Variants in CFTR observed in about 807,000 individuals in gnomAD.
The protein encoded by CFTR is CF transmembrane conductance regulator.
CFTR carries 181 observed loss-of-function variants against 171.6 expected under a neutral mutation model. That is an observed-to-expected ratio of 1.05 (90% CI 0.93 to 1.19). The LOEUF (loss-of-function observed/expected upper bound fraction) is 1.19. Ranked by LOEUF, CFTR falls within the 50% of genes most tolerant of loss-of-function variation. The pLI is 0.00. For synonymous variants in CFTR, 583 were observed against 608.0 expected (o/e 0.96, Z 0.60); for missense variants, 1,968 against 1,734.7 (o/e 1.13, Z -2.39).
At chr7:117,500,864 C>T (rs1015009758) in intron 1 of CFTR, among the ~76,000 whole-genome samples, 22 of 152,144 alleles carry the variant, frequency 1.4e-4, no homozygotes, top group African/African-American at 4.3e-4. Context: ...TAGGCTATGG[C>T]ATTCTTGCTA....
At chr7:117,524,536 T>G (rs1230672925) in intron 3 of CFTR, among the ~76,000 whole-genome samples, 1 of 152,228 alleles carries the variant, frequency 6.6e-6, no homozygotes, top group East Asian at 1.9e-4. Flanking sequence ...AAGCATACTA[T>G]GAGCAATTAT....
chr7:117,610,717 G>T, intron 19 of CFTR, 48 bp downstream of exon 19: 1 of 1,597,256 alleles, frequency 6.3e-7, no homozygotes, highest in Non-Finnish European at 8.6e-7. Flanking sequence ...AGCTATAAGA[G>T]CTATTTGAGA....
At chr7:117,599,965 A>C (rs1020593295) in intron 15 of CFTR, among the ~76,000 whole-genome samples, 1 of 152,102 alleles carries the variant, frequency 6.6e-6, no homozygotes, top group African/African-American at 2.4e-5. Flanking sequence ...ACCTAAAGAA[A>C]GGTTAAGATA....
chr7:117,588,469 T>C (rs975874963), intron 12 of CFTR, among the ~76,000 whole-genome samples: 1 of 152,106 alleles, frequency 6.6e-6, no homozygotes, highest in Non-Finnish European at 1.5e-5. Flanking sequence ...GTTTAAACAA[T>C]TATTGGTGAC....
intron 8 of CFTR, among the ~76,000 whole-genome samples, 182 bp from the exon 9 acceptor site, chr7:117,541,834 A>C (rs960578937): frequency 6.6e-6 from 1 of 152,178 alleles, no homozygotes; most frequent in Non-Finnish European, 1.5e-5. Context: ...AATATGATGA[A>C]TCCTAGTGCT....
chr7:117,486,609 G>A (rs980441033), intron 1 of CFTR, among the ~76,000 whole-genome samples: 2 of 151,880 alleles, frequency 1.3e-5, no homozygotes, highest in Admixed American at 1.3e-4. Context: ...AAGTAAGCAT[G>A]GCACCTTCAA....
intron 2 of CFTR, among the ~76,000 whole-genome samples, chr7:117,508,234 GA>G (rs1798454983): frequency 1.3e-5 from 2 of 152,300 alleles, no homozygotes; most frequent in South Asian, 4.1e-4. Context: ...TGAAAATTAA[GA>G]TGATAATATT....
chr7:117,546,331 C>T (rs1362570770), intron 9 of CFTR, among the ~76,000 whole-genome samples: 1 of 151,988 alleles, frequency 6.6e-6, no homozygotes, highest in African/African-American at 2.4e-5. Flanking sequence ...GACAGGGTCT[C>T]ACTACGTTGC....
At chr7:117,610,408 G>A (rs1792363572) in intron 18 of CFTR, 111 bp from the exon 19 acceptor site, 1 of 884,250 alleles carries the variant, frequency 1.1e-6, no homozygotes, top group Non-Finnish European at 1.8e-6. Flanking sequence ...AAAAAAGTTT[G>A]AGGTGTTTAA....
chr7:117,587,731 G>A lies in CFTR; in HGVS notation c.1585-8G>A, dbSNP rs193922503. On this transcript the variant is annotated splice_polypyrimidine_tract_variant and splice_region_variant and intron_variant, in intron 11 of 26. Coordinates refer to ENST00000003084, the MANE Select transcript of CFTR (RefSeq NM_000492.4). ...AGTGACTCTCTAATTTTCTATTTTT[G>A]GTAATAGGACATCTCCAAGTTTGCA... 4 of 1,553,448 alleles carry A rather than the reference G, an allele frequency of 2.6e-6. No individual in the cohort carries two copies. The highest frequency in any genetic ancestry group is 3.6e-6 in the Non-Finnish European group (4 of 1,125,008).
intron 1 of CFTR, among the ~76,000 whole-genome samples, chr7:117,495,564 A>C (rs1017041904): frequency 6.6e-6 from 1 of 152,168 alleles, no homozygotes; most frequent in Non-Finnish European, 1.5e-5. Flanking sequence ...ATCTGAAGTC[A>C]TAAATTCATA....
intron 9 of CFTR, among the ~76,000 whole-genome samples, chr7:117,548,333 GGTGTGTGT>G (rs3034794): frequency 1.2e-4 from 17 of 144,078 alleles, no homozygotes; most frequent in South Asian, 4.5e-4. Flanking sequence ...AGGAGAAGAG[GGTGTGTGT>G]GTGTGTGTGT....
Position 117,522,345 on chromosome 7 carries a change from T to C in CFTR, c.274-8554T>C, listed in dbSNP as rs572132442. ...CTGGAGGGGACATCACAATTAGCTTTCTCCACCTCTTAGTTTATCAGTGAG... is the reference window on the plus strand; with the variant it reads ...CTGGAGGGGACATCACAATTAGCTTCCTCCACCTCTTAGTTTATCAGTGAG... On this transcript the variant is annotated intron_variant, in intron 3 of 26. Transcript: ENST00000003084. 2.0e-4 allele frequency among the ~76,000 whole-genome samples: 31 copies of C among 152,190 alleles called. 1 individual carries two copies. Among genetic ancestry groups the C allele is most frequent in the Non-Finnish European group, 3.2e-4 (22 of 68,030 alleles).
chr7:117,543,985 C>T (rs146318138), intron 9 of CFTR, among the ~76,000 whole-genome samples: 1 of 152,318 alleles, frequency 6.6e-6, no homozygotes, highest in East Asian at 1.9e-4. Flanking sequence ...TCTTTCTCAG[C>T]TTGGAATTTC....
Position 117,592,040 on chromosome 7 carries a change from T to A in CFTR, c.1873T>A (p.Tyr625Asn), listed in dbSNP as rs760390633. 2 of 1,604,886 alleles carry A rather than the reference T, an allele frequency of 1.2e-6. No homozygotes were observed. The highest frequency in any genetic ancestry group is 1.7e-6 in the Non-Finnish European group (2 of 1,176,622). The change falls in exon 14 of 27, where the codon TAT becomes AAT. Residue 625 changes from tyrosine (Y) to asparagine (N), a missense_variant. Coordinates refer to ENST00000003084, the MANE Select transcript of CFTR (RefSeq NM_000492.4). ...ATTAATTTTGCATGAAGGTAGCAGCTATTTTTATGGGACATTTTCAGAACT... is the reference window on the plus strand; with the variant it reads ...ATTAATTTTGCATGAAGGTAGCAGCAATTTTTATGGGACATTTTCAGAACT... ...KILILHEGSSYFYGTFSELQN... is the reference protein window; with the variant it reads ...KILILHEGSSNFYGTFSELQN...
At chr7:117,501,776 C>CAAAAAAAAAAAAAAAAA (rs796991857) in intron 1 of CFTR, among the ~76,000 whole-genome samples, 3 of 84,330 alleles carry the variant, frequency 3.6e-5, no homozygotes, top group South Asian at 4.0e-4. Flanking sequence ...AAAAAAGAAA[C>CAAAAAAAAAAAAAAAAA]AAAAAAAAAA....
Position 117,529,513 on chromosome 7 carries a change from T to TAA in CFTR, c.274-1368_274-1367dup, listed in dbSNP as rs61443875. 4.4e-4 allele frequency among the ~76,000 whole-genome samples: 53 copies of TAA among 119,968 alleles called. No individual in the cohort carries two copies. In the East Asian group the frequency reaches 4.5e-3, roughly 10 times the overall value. The allele number at this position is 119,968 out of a possible 152,430, so 78.7% of individuals were successfully genotyped here. On this transcript the variant is annotated intron_variant, in intron 3 of 26. Transcript: ENST00000003084. ...CACATGTACCCTAAAACTTAGAGTA[T>TAA]AAAAAAAAAAAAAAAAAAAGTTTGA...
chr7:117,613,487 C>T lies in CFTR; in HGVS notation c.3368-1126C>T, dbSNP rs532080723. On this transcript the variant is annotated intron_variant, in intron 20 of 26. Coordinates refer to ENST00000003084, the MANE Select transcript of CFTR (RefSeq NM_000492.4). ...GTGTAAATAGACACAATAATATTAC[C>T]TATTCCATAGGTGTGGGGTGAATAG... Among the ~76,000 whole-genome samples, 17 of 152,234 alleles carry T rather than the reference C, an allele frequency of 1.1e-4. No homozygotes were observed. In the East Asian group the frequency reaches 3.3e-3, roughly 29 times the overall value.
chr7:117,599,255 T>A (rs1029269078), intron 15 of CFTR, among the ~76,000 whole-genome samples: 5 of 152,158 alleles, frequency 3.3e-5, no homozygotes, highest in African/African-American at 7.2e-5. Context: ...CCTTGAAAGA[T>A]CACATTACTT....
Sources: allele counts gnomAD v4.1 joint callset (sites outside exome capture counted in the v4.1 genomes callset), GRCh38; gene constraint gnomAD v4.1.1; transcripts MANE v1.5; gene names NCBI Gene and HGNC (gene_info 2026-07-23, HGNC 2026-07-21).